PPP1R9A: variants seen among roughly 807,000 people sequenced by gnomAD.
PPP1R9A encodes neurabin-1.
Under a neutral mutation model 141.9 loss-of-function variants are expected in PPP1R9A, and 59 were observed. That is an observed-to-expected ratio of 0.42 (90% CI 0.34 to 0.52). The LOEUF (loss-of-function observed/expected upper bound fraction) is 0.52, where lower values mean the gene tolerates loss of function less well. Ranked by LOEUF, PPP1R9A falls within the 20% of genes least tolerant of loss-of-function variation. The pLI is 0.10. For synonymous variants in PPP1R9A, 500 were observed against 569.7 expected (o/e 0.88, Z 1.74); for missense variants, 1,444 against 1,611.9 (o/e 0.90, Z 1.78).
At chr7:95,113,029 A>G (rs2152453116) in intron 3 of PPP1R9A, among the ~76,000 whole-genome samples, 1 of 152,278 alleles carries the variant, frequency 6.6e-6, no homozygotes, top group Non-Finnish European at 1.5e-5. Flanking sequence ...ACCACTATGT[A>G]ATATATCCAT....
chr7:94,970,463 C>T (rs993769797), intron 2 of PPP1R9A, among the ~76,000 whole-genome samples: 1 of 152,082 alleles, frequency 6.6e-6, no homozygotes, highest in Non-Finnish European at 1.5e-5. Flanking sequence ...TGGCTCATGC[C>T]CCACCCTGCT....
Position 95,284,119 on chromosome 7 carries a change from G to A in PPP1R9A, c.3398G>A (p.Ser1133Asn). 1 of 1,591,092 alleles carries A rather than the reference G, an allele frequency of 6.3e-7. No individual in the cohort carries two copies. Among genetic ancestry groups the A allele is most frequent in the South Asian group, 1.1e-5 (1 of 90,918 alleles). Residue 1133 changes from serine (S) to asparagine (N), a missense_variant, in exon 17 of 20, where the codon AGC (serine) becomes AAC (asparagine). Transcript: ENST00000433360. The part of the protein sequence containing the change: ...PCMPFSWFND[S>N]RKGSYSFRNL... ...ATGCCTTTCTCATGGTTTAATGACA[G>A]CCGGAAAGGATCCTATTCCTTCAGG...
chr7:95,233,269 A>G (rs1796225799), intron 8 of PPP1R9A, among the ~76,000 whole-genome samples: 1 of 152,118 alleles, frequency 6.6e-6, no homozygotes, highest in Admixed American at 6.6e-5. Flanking sequence ...TAACACAGGA[A>G]CAGAAAACCA....
At chr7:95,133,037 C>T (rs2152534610) in intron 4 of PPP1R9A, among the ~76,000 whole-genome samples, 1 of 152,236 alleles carries the variant, frequency 6.6e-6, no homozygotes, top group African/African-American at 2.4e-5. Flanking sequence ...TACTCAGACA[C>T]CAGAGACTGA....
intron 10 of PPP1R9A, 93 bp downstream of exon 10, chr7:95,250,348 T>A: frequency 8.8e-7 from 1 of 1,131,448 alleles, no homozygotes; most frequent in Non-Finnish European, 1.2e-6. Context: ...ACAGAAAAGA[T>A]GACCTTAGAG....
chr7:95,028,728 A>G (rs17520095), intron 2 of PPP1R9A, among the ~76,000 whole-genome samples: 5 of 152,010 alleles, frequency 3.3e-5, no homozygotes, highest in Admixed American at 2.0e-4. Flanking sequence ...CGTAAAGAAC[A>G]TCCTATTTAA....
Position 95,260,723 on chromosome 7 carries a change from T to C in PPP1R9A, c.2666-7827T>C, listed in dbSNP as rs139805753. Among the ~76,000 whole-genome samples, 892 of 152,040 alleles carry C rather than the reference T, an allele frequency of 5.9e-3. 10 individuals carry two copies. The highest frequency in any genetic ancestry group is 0.021 in the African/African-American group (864 of 41,482). ...GCTTCAAGAGGAAACACAATGTTAC[T>C]TTGTCAGAATGAGCTTTAACTTAGT... On this transcript the variant is annotated intron_variant, in intron 12 of 19. Coordinates refer to ENST00000433360, the MANE Select transcript of PPP1R9A (RefSeq NM_001166160.2).
chr7:94,953,894 G>A (rs1370299900), intron 2 of PPP1R9A, among the ~76,000 whole-genome samples: 1 of 152,102 alleles, frequency 6.6e-6, no homozygotes, highest in East Asian at 1.9e-4. Context: ...ATATAATCAT[G>A]TCATCTGCAA....
At chr7:95,020,033 T>C (rs1468913333) in intron 2 of PPP1R9A, among the ~76,000 whole-genome samples, 7 of 132,906 alleles carry the variant, frequency 5.3e-5, no homozygotes, top group Admixed American at 8.0e-5. Flanking sequence ...AACAAATGGC[T>C]ATATCATTAT....
At chr7:94,914,628 T>C (rs544554825) in intron 2 of PPP1R9A, among the ~76,000 whole-genome samples, 2 of 152,338 alleles carry the variant, frequency 1.3e-5, no homozygotes, top group East Asian at 1.9e-4. Flanking sequence ...TTATGGACCA[T>C]GCTAATTCGA....
intron 8 of PPP1R9A, among the ~76,000 whole-genome samples, chr7:95,227,525 A>C (rs1313112283): frequency 3.3e-5 from 5 of 152,208 alleles, no homozygotes; most frequent in Non-Finnish European, 7.3e-5. Flanking sequence ...CATTGTCCAA[A>C]TCTGGGCTAC....
At chr7:95,052,052 T>G (rs951401490) in intron 2 of PPP1R9A, among the ~76,000 whole-genome samples, 1 of 151,930 alleles carries the variant, frequency 6.6e-6, no homozygotes, top group African/African-American at 2.4e-5. Context: ...GTTGGCCAGG[T>G]TGGTCTTAAA....
chr7:94,947,433 A>G (rs530749260), intron 2 of PPP1R9A, among the ~76,000 whole-genome samples: 25 of 152,300 alleles, frequency 1.6e-4, no homozygotes, highest in African/African-American at 5.8e-4. Flanking sequence ...CCTAGCTACA[A>G]GGAAGGTTGA....
intron 8 of PPP1R9A, among the ~76,000 whole-genome samples, chr7:95,238,268 T>A (rs1208164489): frequency 1.3e-5 from 2 of 152,134 alleles, no homozygotes; most frequent in Non-Finnish European, 2.9e-5. Flanking sequence ...GCTGCCCTAG[T>A]GTTAATTCAC....
At chr7:95,212,305 C>A (rs1375556438) in intron 7 of PPP1R9A, among the ~76,000 whole-genome samples, 1 of 151,696 alleles carries the variant, frequency 6.6e-6, no homozygotes, top group Non-Finnish European at 1.5e-5. Flanking sequence ...CAAAGAAAGA[C>A]CTTTGTAAGA....
Position 95,288,578 on chromosome 7 carries a change from A to G in PPP1R9A, c.3772A>G (p.Asn1258Asp). ...GQSPKHSQCQ[N>D]RAVQEWSVQQ... ...GTCTCCCAAACACAGTCAGTGTCAG[A>G]ATCGGGCCGTTCAGGAATGGAGTGT... The change falls in exon 19 of 20, where the codon AAT becomes GAT. Residue 1258 changes from asparagine to aspartate, a missense_variant. Transcript: ENST00000433360. 1 of 1,614,136 alleles carries G rather than the reference A, an allele frequency of 6.2e-7. No individual in the cohort carries two copies. Among genetic ancestry groups the G allele is most frequent in the Non-Finnish European group, 8.5e-7 (1 of 1,179,996 alleles).
chr7:95,140,815 G>A lies in PPP1R9A; in HGVS notation c.1649+19983G>A, dbSNP rs538876988. 7.2e-5 allele frequency among the ~76,000 whole-genome samples: 11 copies of A among 152,304 alleles called. No individual in the cohort carries two copies. In the East Asian group the frequency reaches 2.1e-3, roughly 29 times the overall value. ...GAAATCCTCTGCCTCCAAAGCTCAA[G>A]CAATCCTCCCACCTCAGCCTCCAGA... is the stretch of plus-strand genomic sequence containing the variant. On this transcript the variant is annotated intron_variant, in intron 4 of 19. Coordinates refer to ENST00000433360, the MANE Select transcript of PPP1R9A (RefSeq NM_001166160.2).
chr7:94,968,651 C>T (rs1258439498), intron 2 of PPP1R9A, among the ~76,000 whole-genome samples: 2 of 152,054 alleles, frequency 1.3e-5, no homozygotes, highest in Non-Finnish European at 2.9e-5. Context: ...ATCCAATTTG[C>T]CAGTCTGTGT....
intron 8 of PPP1R9A, among the ~76,000 whole-genome samples, chr7:95,229,901 C>A (rs1464974608): frequency 1.3e-5 from 2 of 152,096 alleles, no homozygotes; most frequent in Admixed American, 6.6e-5. Context: ...AAGGACCCTG[C>A]AGAGTCCACT....
Sources: allele counts gnomAD v4.1 joint callset (sites outside exome capture counted in the v4.1 genomes callset), GRCh38; gene constraint gnomAD v4.1.1; transcripts MANE v1.5; gene names NCBI Gene and HGNC (gene_info 2026-07-23, HGNC 2026-07-21).